CTXN2: variants seen among roughly 807,000 people sequenced by gnomAD.
The protein encoded by CTXN2 is cortexin 2.
In CTXN2, 3 loss-of-function variants were observed where a neutral mutation model predicts 5.7. The observed-to-expected ratio is 0.53, with a 90% CI of 0.24 to 1.36. The LOEUF is 1.36. Among genes scored for constraint, CTXN2 ranks in the 40% most tolerant of loss-of-function variants. The pLI is 0.17. For synonymous variants in CTXN2, 38 were observed against 36.4 expected (o/e 1.04, Z -0.16); for missense variants, 87 against 93.0 (o/e 0.94, Z 0.26).
intron 1 of CTXN2, among the ~76,000 whole-genome samples, chr15:48,198,567 A>G (rs1051597360): frequency 2.6e-5 from 4 of 152,190 alleles, no homozygotes; most frequent in Non-Finnish European, 5.9e-5. Context: ...ATTATATTCT[A>G]AAGTATAAAA....
At chr15:48,182,211 A>G (rs1052775395) in intron 1 of CTXN2, among the ~76,000 whole-genome samples, 2 of 151,958 alleles carry the variant, frequency 1.3e-5, no homozygotes, top group Non-Finnish European at 2.9e-5. Context: ...AGCATTTAGC[A>G]TTCCAAAAAT....
At chr15:48,192,904 T>C (rs1473100165) in intron 1 of CTXN2, among the ~76,000 whole-genome samples, 1 of 152,238 alleles carries the variant, frequency 6.6e-6, no homozygotes, top group Non-Finnish European at 1.5e-5. Context: ...TAAATGATTT[T>C]ATCTGAAAGG....
chr15:48,199,485 G>GT (rs1470702886), intron 1 of CTXN2, among the ~76,000 whole-genome samples: 2 of 152,130 alleles, frequency 1.3e-5, no homozygotes, highest in Non-Finnish European at 2.9e-5. Flanking sequence ...AAATGAACAA[G>GT]TTAGTTGGCT....
At chr15:48,187,178 T>A (rs2040765825), upstream of CTXN2, among the ~76,000 whole-genome samples, 1 of 151,164 alleles carries the variant, frequency 6.6e-6, no homozygotes, top group Non-Finnish European at 1.5e-5. Context: ...AAACAATGAT[T>A]AAAACTGTAT....
chr15:48,195,527 C>G (rs997565317), intron 1 of CTXN2, among the ~76,000 whole-genome samples: 12 of 152,108 alleles, frequency 7.9e-5, no homozygotes, highest in Admixed American at 2.6e-4. Context: ...CCATACTCCC[C>G]CTTGCCTGTA....
At chr15:48,199,897 A>G (rs1392644038) in intron 1 of CTXN2, among the ~76,000 whole-genome samples, 3 of 152,218 alleles carry the variant, frequency 2.0e-5, no homozygotes, top group African/African-American at 7.2e-5. Context: ...AAATCAAACA[A>G]TGAACATAAG....
At chr15:48,178,667 C>CA (rs1236739213) in intron 1 of CTXN2, 3 of 164,256 alleles carry the variant, frequency 1.8e-5, no homozygotes, top group Non-Finnish European at 3.9e-5. Flanking sequence ...TTAAAGAACA[C>CA]ACCACTTTGC....
At position 48,201,553 on chromosome 15, in the gene CTXN2, C is replaced by T. The variant is rs1334137633; in HGVS notation, c.*7C>T. ...TGAATATGCACTCGCGTGAGAGTTC[C>T]AGCTATATGGTTTTTATGGTTGTGC... On this transcript the variant is annotated 3_prime_UTR_variant, in exon 2 of 2. Coordinates refer to ENST00000417307, the MANE Select transcript of CTXN2 (RefSeq NM_001145668.2). 1.9e-6 allele frequency: 3 copies of T among 1,550,490 alleles called. No homozygotes were observed. The highest frequency in any genetic ancestry group is 8.7e-7 in the Non-Finnish European group (1 of 1,146,264).
chr15:48,188,045 A>G (rs200991376), upstream of CTXN2, among the ~76,000 whole-genome samples: 17 of 152,236 alleles, frequency 1.1e-4, no homozygotes, highest in East Asian at 3.1e-3. Context: ...ATAAATTTAT[A>G]AAACAACCAT....
At chr15:48,188,522 A>C (rs1266419968), upstream of CTXN2, among the ~76,000 whole-genome samples, 1 of 152,178 alleles carries the variant, frequency 6.6e-6, no homozygotes, top group Non-Finnish European at 1.5e-5. Context: ...GTTGACCAAC[A>C]CTTTAGTAAC....
Position 48,202,246 on chromosome 15 carries a change from G to A in CTXN2, c.*700G>A, listed in dbSNP as rs1212959261. The A allele has an allele frequency of 6.0e-6, 1 of 167,210 alleles. No individual in the cohort carries two copies. The highest frequency in any genetic ancestry group is 1.5e-5 in the Non-Finnish European group (1 of 68,292). The allele number at this position is 167,210 out of a possible 1,614,324, so 10.4% of individuals were successfully genotyped here. ...GAATTTAAAAGGGAGTTTCCAGCAT[G>A]ACCTAGTGGAAAGAGTACTCTAAGC... On this transcript the variant is annotated 3_prime_UTR_variant, in exon 2 of 2. Transcript: ENST00000417307.
At chr15:48,180,932 T>C (rs1184024584) in intron 1 of CTXN2, among the ~76,000 whole-genome samples, 1 of 152,274 alleles carries the variant, frequency 6.6e-6, no homozygotes, top group African/African-American at 2.4e-5. Context: ...TCCTTTGCAA[T>C]TGCACAAAAT....
chr15:48,191,563 G>A, upstream of CTXN2: 1 of 376,518 alleles, frequency 2.7e-6, no homozygotes, highest in African/African-American at 2.1e-5. Context: ...ACAGACACAC[G>A]CGAGCGCAAA....
intron 1 of CTXN2, among the ~76,000 whole-genome samples, chr15:48,199,862 TA>T (rs2040913734): frequency 6.6e-6 from 1 of 152,164 alleles, no homozygotes; most frequent in African/African-American, 2.4e-5. Flanking sequence ...GTTTGAACAA[TA>T]TTTTTTCCCT....
At chr15:48,199,894 A>T (rs1348445254) in intron 1 of CTXN2, among the ~76,000 whole-genome samples, 1 of 152,220 alleles carries the variant, frequency 6.6e-6, no homozygotes, top group East Asian at 1.9e-4. Flanking sequence ...AAAAAATCAA[A>T]CAATGAACAT....
rs1301998281 is a variant in CTXN2 at position 48,202,134 on chromosome 15, A to G, written c.*588A>G. ...ACCCTCCTATCTCTTCTGTTTGTCG[A>G]ATCTCTTGCAGTAAAATCCCATAGC... On this transcript the variant is annotated 3_prime_UTR_variant, in exon 2 of 2. Coordinates refer to ENST00000417307, the MANE Select transcript of CTXN2 (RefSeq NM_001145668.2). 5.9e-6 allele frequency: 1 copy of G among 168,296 alleles called. No homozygotes were observed. The highest frequency in any genetic ancestry group is 1.4e-5 in the Non-Finnish European group (1 of 69,066). The allele number at this position is 168,296 out of a possible 1,614,324, so 10.4% of individuals were successfully genotyped here.
At chr15:48,197,994 A>G (rs949923803) in intron 1 of CTXN2, among the ~76,000 whole-genome samples, 5 of 152,234 alleles carry the variant, frequency 3.3e-5, no homozygotes, top group East Asian at 3.9e-4. Context: ...AAGCTAACCA[A>G]TGTCACTACA....
At chr15:48,181,951 G>T (rs2040704560) in intron 1 of CTXN2, among the ~76,000 whole-genome samples, 1 of 152,010 alleles carries the variant, frequency 6.6e-6, no homozygotes, top group South Asian at 2.1e-4. Flanking sequence ...AAATACTATG[G>T]TTTATATTTG....
intron 1 of CTXN2, among the ~76,000 whole-genome samples, chr15:48,194,383 T>G (rs1345309225): frequency 6.6e-6 from 1 of 152,100 alleles, no homozygotes; most frequent in Non-Finnish European, 1.5e-5. Flanking sequence ...TCTGTCAAGT[T>G]TATTTACCAC....
Sources: allele counts gnomAD v4.1 joint callset (sites outside exome capture counted in the v4.1 genomes callset), GRCh38; gene constraint gnomAD v4.1.1; transcripts MANE v1.5; gene names NCBI Gene and HGNC (gene_info 2026-07-23, HGNC 2026-07-21).